SLC8A3: variants seen among roughly 807,000 people sequenced by gnomAD.
SLC8A3 encodes the protein sodium/calcium exchanger 3.
SLC8A3 carries 37 observed loss-of-function variants against 65.4 expected under a neutral mutation model. The ratio of observed to expected loss-of-function variants is 0.57; its 90% confidence interval spans 0.44 to 0.74. The LOEUF (loss-of-function observed/expected upper bound fraction) is 0.74, where lower values mean the gene tolerates loss of function less well. SLC8A3 is among the 30% of genes least tolerant of loss of function. SLC8A3 has a pLI of 0.00. For synonymous variants in SLC8A3, 461 were observed against 444.5 expected, an observed-to-expected ratio of 1.04 and a Z score of -0.47; for missense variants, 1,112 against 1,172.1, an observed-to-expected ratio of 0.95 and a Z score of 0.75.
intron 2 of SLC8A3, among the ~76,000 whole-genome samples, chr14:70,068,760 ACT>A (rs1222435783): frequency 6.6e-6 from 1 of 151,940 alleles, no homozygotes; most frequent in African/African-American, 2.4e-5. Context: ...ACACAGTCTC[ACT>A]CTGTCTCCAG....
At chr14:70,163,085 C>A (rs1439310633) in intron 2 of SLC8A3, among the ~76,000 whole-genome samples, 2 of 152,218 alleles carry the variant, frequency 1.3e-5, no homozygotes, top group Admixed American at 6.5e-5. Context: ...ACTTATTTAA[C>A]CCCAGTGCCT....
At position 70,167,359 on chromosome 14, in the gene SLC8A3, C is replaced by T. The variant is rs141396102; in HGVS notation, c.1064G>A (p.Arg355His). 9.7e-4 allele frequency: 1,562 copies of T among 1,614,108 alleles called. 1 individual carries two copies. The highest frequency in any genetic ancestry group is 1.6e-3 in the African/African-American group (122 of 75,030). Reference sequence around the variant, plus strand: ...AGTCATCATACGAGTGGCTTGGATACGGTAGAAGGCACGGCTCTTCTGTTG... The same window carrying T: ...AGTCATCATACGAGTGGCTTGGATATGGTAGAAGGCACGGCTCTTCTGTTG... ...SHQQKSRAFY[R>H]IQATRMMTGA... Residue 355 changes from arginine (R) to histidine (H), a missense_variant, in exon 2 of 7, where the codon CGT (arginine) becomes CAT (histidine). By Grantham distance (29) the Arg-to-His change is conservative. Coordinates refer to ENST00000356921, the MANE Select transcript of SLC8A3 (RefSeq NM_182932.3).
chr14:70,106,979 T>C (rs1383879656), intron 2 of SLC8A3, among the ~76,000 whole-genome samples: 1 of 152,090 alleles, frequency 6.6e-6, no homozygotes, highest in Non-Finnish European at 1.5e-5. Flanking sequence ...ATCTTTCCCA[T>C]CAGAGAAGTG....
At chr14:70,115,348 C>T (rs987491610) in intron 2 of SLC8A3, among the ~76,000 whole-genome samples, 4 of 152,192 alleles carry the variant, frequency 2.6e-5, no homozygotes, top group Non-Finnish European at 4.4e-5. Flanking sequence ...TTACCTTTTG[C>T]AAAGATGATT....
intron 2 of SLC8A3, among the ~76,000 whole-genome samples, chr14:70,106,786 G>C (rs1226341852): frequency 6.6e-6 from 1 of 152,022 alleles, no homozygotes; most frequent in Non-Finnish European, 1.5e-5. Context: ...GTATTTACTT[G>C]TCTATATTCC....
At chr14:70,145,825 C>T (rs193124006) in intron 2 of SLC8A3, among the ~76,000 whole-genome samples, 229 of 152,208 alleles carry the variant, frequency 1.5e-3, no homozygotes, top group African/African-American at 5.3e-3. Flanking sequence ...TGTGGACTAA[C>T]AAGCTGTGGT....
At chr14:70,149,955 GATA>G (rs1370134743) in intron 2 of SLC8A3, among the ~76,000 whole-genome samples, 2 of 152,154 alleles carry the variant, frequency 1.3e-5, no homozygotes, top group Non-Finnish European at 2.9e-5. Flanking sequence ...AGAAAACCCA[GATA>G]ATGACATTTC....
At chr14:70,061,532 A>AAGAGAG (rs149638039) in intron 2 of SLC8A3, among the ~76,000 whole-genome samples, 1 of 148,044 alleles carries the variant, frequency 6.8e-6, no homozygotes, top group Admixed American at 6.7e-5. Flanking sequence ...AGAGGAAGAG[A>AAGAGAG]AGAGAGAGAG....
chr14:70,186,187 TC>T (rs150752204), intron 1 of SLC8A3, among the ~76,000 whole-genome samples: 8,654 of 152,272 alleles, frequency 0.057, 369 homozygotes, highest in Non-Finnish European at 0.086. Flanking sequence ...CCCCTTTTTT[TC>T]GTCACTTCTT....
intron 2 of SLC8A3, among the ~76,000 whole-genome samples, chr14:70,063,354 G>A (rs1225618390): frequency 1.3e-5 from 2 of 152,122 alleles, no homozygotes; most frequent in African/African-American, 4.8e-5. Flanking sequence ...CAACTTCCTG[G>A]GACTCTAAGT....
At chr14:70,130,138 G>A (rs1894723854) in intron 2 of SLC8A3, among the ~76,000 whole-genome samples, 1 of 152,176 alleles carries the variant, frequency 6.6e-6, no homozygotes, top group African/African-American at 2.4e-5. Context: ...CAGCACAAGG[G>A]GCTGGAATTC....
intron 3 of SLC8A3, among the ~76,000 whole-genome samples, chr14:70,052,593 T>C (rs1234988343): frequency 2.5e-5 from 3 of 119,970 alleles, no homozygotes; most frequent in African/African-American, 1.3e-4. Flanking sequence ...TCCCTTCTCA[T>C]GTTGAACAGT....
At chr14:70,081,666 T>TG (rs1279366498) in intron 2 of SLC8A3, among the ~76,000 whole-genome samples, 2 of 152,012 alleles carry the variant, frequency 1.3e-5, no homozygotes, top group African/African-American at 4.8e-5. Context: ...AGACTCTGGG[T>TG]GGAGGGCAGG....
At position 70,167,482 on chromosome 14, in the gene SLC8A3, C is replaced by T. The variant is rs756082456; in HGVS notation, c.941G>A (p.Arg314Lys). Residue 314 changes from arginine (R) to lysine (K), a missense_variant, in exon 2 of 7, where the codon AGA (arginine) becomes AAA (lysine). By Grantham distance (26) the Arg-to-Lys change is conservative. Transcript: ENST00000356921. ...ATCCTTGAGAATCCGGATCATCTCT[C>T]TGCGGGACTCATCCACTTCCTTCCC... is the stretch of plus-strand genomic sequence containing the variant. ...LEGKEVDESRREMIRILKDLK... is the reference protein window; with the variant it reads ...LEGKEVDESRKEMIRILKDLK... 6.2e-7 allele frequency: 1 copy of T among 1,614,144 alleles called. No individual in the cohort carries two copies. The highest frequency in any genetic ancestry group is 1.1e-5 in the South Asian group (1 of 91,080).
chr14:70,142,023 GC>G (rs1436692882), intron 2 of SLC8A3, among the ~76,000 whole-genome samples: 3 of 152,208 alleles, frequency 2.0e-5, no homozygotes, highest in African/African-American at 7.2e-5. Context: ...GCTCCACAGA[GC>G]CCAGCTGGCC....
intron 1 of SLC8A3, among the ~76,000 whole-genome samples, chr14:70,182,551 GGAGAGAGA>G (rs1236790209): frequency 6.9e-5 from 3 of 43,732 alleles, no homozygotes; most frequent in Non-Finnish European, 1.5e-4. Context: ...TCTGGTGCAG[GGAGAGAGA>G]GAGAGAAAGA....
intron 2 of SLC8A3, among the ~76,000 whole-genome samples, chr14:70,112,911 G>A (rs1244753776): frequency 1.6e-5 from 2 of 123,714 alleles, no homozygotes; most frequent in Non-Finnish European, 3.5e-5. Context: ...TTCTTACAAG[G>A]ATGCTAGTCA....
intron 2 of SLC8A3, among the ~76,000 whole-genome samples, chr14:70,142,256 T>G (rs1274584109): frequency 6.6e-6 from 1 of 152,240 alleles, no homozygotes; most frequent in African/African-American, 2.4e-5. Flanking sequence ...TCTTGGGAGA[T>G]GCTGTTCTTG....
At chr14:70,111,679 A>T (rs1211814794) in intron 2 of SLC8A3, among the ~76,000 whole-genome samples, 2 of 152,230 alleles carry the variant, frequency 1.3e-5, no homozygotes, top group Non-Finnish European at 2.9e-5. Context: ...ACATTTGTCA[A>T]AGGACTCATA....
Sources: gnomAD v4.1 joint callset for allele counts (sites outside exome capture counted in the v4.1 genomes callset) on GRCh38, gnomAD v4.1.1 for gene constraint, MANE v1.5 for transcripts, NCBI Gene and HGNC (gene_info 2026-07-23, HGNC 2026-07-21) for gene names.